Variants in PAPOLA observed in about 807,000 individuals in gnomAD.
PAPOLA encodes poly(A) polymerase alpha, also known as polynucleotide adenylyltransferase alpha.
In PAPOLA, 15 loss-of-function variants were observed where a neutral mutation model predicts 100.6. That is an observed-to-expected ratio of 0.15 (90% CI 0.10 to 0.23). The LOEUF (loss-of-function observed/expected upper bound fraction) is 0.23, where lower values mean the gene tolerates loss of function less well. PAPOLA is among the 10% of genes least tolerant of loss of function. The pLI, the probability that PAPOLA is intolerant of heterozygous loss-of-function variation, is 1.00. For synonymous variants in PAPOLA, 293 were observed against 300.0 expected (o/e 0.98, Z 0.24); for missense variants, 533 against 884.2 (o/e 0.60, Z 5.04).
At position 96,509,272 on chromosome 14, in the gene PAPOLA, T is replaced by TC. The variant is rs1896941534; in HGVS notation, c.8+6675dup. Among the ~76,000 whole-genome samples, 3 of 152,162 alleles carry TC rather than the reference T, an allele frequency of 2.0e-5. No homozygotes were observed. In the South Asian group the frequency reaches 6.2e-4, roughly 32 times the overall value. Reference sequence around the variant, plus strand: ...CTCTCAAACTCCCGGGCTCAAGCAATCCCACCTTGGCCTCCCAAATTGCCG... The same window carrying TC: ...CTCTCAAACTCCCGGGCTCAAGCAATCCCCACCTTGGCCTCCCAAATTGCCG... On this transcript the variant is annotated intron_variant, in intron 1 of 21. Transcript: ENST00000216277.
intron 19 of PAPOLA, among the ~76,000 whole-genome samples, chr14:96,557,974 A>C (rs771077195): frequency 6.6e-6 from 1 of 151,948 alleles, no homozygotes; most frequent in Non-Finnish European, 1.5e-5. Flanking sequence ...TTTTCTAAGT[A>C]TTTTTGATCC....
At chr14:96,507,516 C>G (rs908690599) in intron 1 of PAPOLA, among the ~76,000 whole-genome samples, 4 of 151,968 alleles carry the variant, frequency 2.6e-5, no homozygotes, top group African/African-American at 7.2e-5. Context: ...ACCTCGTGAT[C>G]CGCCTGCCTC....
intron 10 of PAPOLA, chr14:96,534,935 T>G (rs1899388966): frequency 2.0e-6 from 2 of 998,402 alleles, no homozygotes; most frequent in African/African-American, 1.7e-5. Flanking sequence ...TAAAGTTGGG[T>G]TGTTATAGGA....
intron 10 of PAPOLA, chr14:96,535,449 C>T: frequency 1.0e-6 from 1 of 984,140 alleles, no homozygotes; most frequent in Non-Finnish European, 1.2e-6. Flanking sequence ...TAAGCTTGAA[C>T]TCCTTAATAG....
chr14:96,550,278 T>G (rs1386011074), intron 16 of PAPOLA, among the ~76,000 whole-genome samples: 1 of 152,232 alleles, frequency 6.6e-6, no homozygotes, highest in East Asian at 1.9e-4. Flanking sequence ...AGCTATTTAA[T>G]AAACAGCTAT....
At chr14:96,535,250 TGAATTACATCAA>T in intron 10 of PAPOLA, 1 of 927,622 alleles carries the variant, frequency 1.1e-6, no homozygotes, top group African/African-American at 1.8e-5. Context: ...TAAATTCTGT[TGAATTACATCAA>T]GCTATGCATT....
Position 96,502,539 on chromosome 14 carries a change from C to T in PAPOLA, c.-54C>T, listed in dbSNP as rs774116565. The stretch of plus-strand genomic sequence containing the variant: ...CCTCAGTGGATCATGCCCAGGGCGG[C>T]AGCGGCGGCGGTTGCGGGGGGGAAG... On this transcript the variant is annotated 5_prime_UTR_variant, in exon 1 of 22. Transcript: ENST00000216277. The T allele has an allele frequency of 1.4e-6, 2 of 1,432,776 alleles. No individual in the cohort carries two copies. Among genetic ancestry groups the T allele is most frequent in the Admixed American group, 2.0e-5 (1 of 50,506 alleles). The allele number at this position is 1,432,776 out of a possible 1,614,324, so 88.8% of individuals were successfully genotyped here. A position where few individuals can be genotyped will look rare whatever the true frequency, so the allele number is the denominator to read the frequency against.
At chr14:96,540,433 A>G (rs1899888879) in intron 12 of PAPOLA, among the ~76,000 whole-genome samples, 1 of 146,896 alleles carries the variant, frequency 6.8e-6, no homozygotes, top group Non-Finnish European at 1.5e-5. Flanking sequence ...TTTTTTAACC[A>G]GTTAGCCATT....
At chr14:96,533,147 A>G (rs1055227457) in intron 9 of PAPOLA, 18 of 983,910 alleles carry the variant, frequency 1.8e-5, no homozygotes, top group Non-Finnish European at 2.1e-5. Flanking sequence ...ACAAAAAAGG[A>G]ATTTGAGATT....
rs780588593 is a variant in PAPOLA at position 96,502,502 on chromosome 14, C to T, written c.-91C>T. The T allele has an allele frequency of 1.1e-5, 11 of 1,026,446 alleles. No individual in the cohort carries two copies. The highest frequency in any genetic ancestry group is 4.4e-5 in the South Asian group (3 of 67,464). The allele number at this position is 1,026,446 out of a possible 1,614,324, so 63.6% of individuals were successfully genotyped here. ...GGACCCAGGGCTGAGGCAGGCCCCC[C>T]CCTCCCTCCCGCCTCAGTGGATCAT... is the stretch of plus-strand genomic sequence containing the variant. On this transcript the variant is annotated 5_prime_UTR_variant, in exon 1 of 22. Coordinates refer to ENST00000216277, the MANE Select transcript of PAPOLA (RefSeq NM_032632.5).
chr14:96,525,744 C>A (rs1009920638), intron 4 of PAPOLA, among the ~76,000 whole-genome samples: 15 of 151,956 alleles, frequency 9.9e-5, no homozygotes, highest in African/African-American at 3.6e-4. Context: ...AGAACAAGAC[C>A]CCGTCTCAAG....
At chr14:96,518,275 CT>C (rs1231255174) in intron 1 of PAPOLA, among the ~76,000 whole-genome samples, 1 of 152,214 alleles carries the variant, frequency 6.6e-6, no homozygotes, top group East Asian at 1.9e-4. Context: ...ATTCTTAGAT[CT>C]TTCTTGATAT....
intron 1 of PAPOLA, among the ~76,000 whole-genome samples, chr14:96,513,863 A>T (rs929313475): frequency 6.6e-6 from 1 of 152,176 alleles, no homozygotes; most frequent in South Asian, 2.1e-4. Context: ...TTATTATATA[A>T]AAGTTGGAAT....
intron 16 of PAPOLA, 61 bp from the exon 17 acceptor site, chr14:96,552,418 TC>T: frequency 7.0e-7 from 1 of 1,429,160 alleles, no homozygotes; most frequent in Non-Finnish European, 9.8e-7. Context: ...GTAAAAGGTT[TC>T]CATGTTTCAA....
Position 96,502,563 on chromosome 14 carries a change from A to G in PAPOLA, c.-30A>G. On this transcript the variant is annotated 5_prime_UTR_variant, in exon 1 of 22. Transcript: ENST00000216277. ...GCAGCGGCGGCGGTTGCGGGGGGGA[A>G]GTGACTGGGCGGTGCCGGCGCCGGA... is the stretch of plus-strand genomic sequence containing the variant. The G allele has an allele frequency of 3.2e-6, 5 of 1,538,556 alleles. No individual in the cohort carries two copies. Among genetic ancestry groups the G allele is most frequent in the East Asian group, 2.4e-5 (1 of 41,054 alleles).
At chr14:96,514,546 G>C (rs1253600224) in intron 1 of PAPOLA, among the ~76,000 whole-genome samples, 1 of 151,206 alleles carries the variant, frequency 6.6e-6, no homozygotes, top group Admixed American at 6.9e-5. Context: ...GTATATATTA[G>C]TTAAGTCGAA....
Position 96,527,988 on chromosome 14 carries a change from C to G in PAPOLA, c.477C>G (p.Leu159=), listed in dbSNP as rs376364747. Residue 159 remains leucine, a synonymous_variant, in exon 6 of 22, where the codon CTC becomes CTG. Coordinates refer to ENST00000216277, the MANE Select transcript of PAPOLA (RefSeq NM_032632.5). ...VEEAFVPVIK[L]CFDGIEIDIL... The stretch of plus-strand genomic sequence containing the variant: ...AGGCATTCGTACCAGTTATTAAACT[C>G]TGTTTTGATGGGATAGAGGTAAGGT... 46 of 1,606,406 alleles carry G rather than the reference C, an allele frequency of 2.9e-5. No homozygotes were observed. Among genetic ancestry groups the G allele is most frequent in the Non-Finnish European group, 3.7e-5 (43 of 1,173,208 alleles).
intron 17 of PAPOLA, among the ~76,000 whole-genome samples, chr14:96,554,075 C>T (rs990825991): frequency 1.3e-5 from 2 of 152,002 alleles, no homozygotes; most frequent in Non-Finnish European, 1.5e-5. Context: ...AAGTCTGTGT[C>T]CTTTGAGTGT....
At chr14:96,502,894 G>C in intron 1 of PAPOLA, 1 of 398,798 alleles carries the variant, frequency 2.5e-6, no homozygotes, top group Non-Finnish European at 4.5e-6. Context: ...GGCCACTCCA[G>C]CTTCTCCGCC....
Sources: allele counts gnomAD v4.1 joint callset (sites outside exome capture counted in the v4.1 genomes callset), GRCh38; gene constraint gnomAD v4.1.1; transcripts MANE v1.5; gene names NCBI Gene and HGNC (gene_info 2026-07-23, HGNC 2026-07-21).